The following USH2A variants were observed in gnomAD, a reference collection of about 807,000 sequenced individuals.
The protein encoded by USH2A is Usher syndrome 2A (autosomal recessive, mild).
USH2A carries 443 observed loss-of-function variants against 538.9 expected under a neutral mutation model. The observed-to-expected ratio is 0.82, with a 90% CI of 0.76 to 0.89. The LOEUF (loss-of-function observed/expected upper bound fraction) is 0.89, where lower values mean the gene tolerates loss of function less well. Ranked by LOEUF, USH2A falls within the 40% of genes least tolerant of loss-of-function variation. The pLI is 0.00. For missense variants in USH2A, 6,633 were observed against 6,324.8 expected, an observed-to-expected ratio of 1.05 and a Z score of -1.65; for synonymous variants, 2,413 against 2,273.5, an observed-to-expected ratio of 1.06 and a Z score of -1.75.
chr1:216,374,219 A>G (rs1028329291), intron 3 of USH2A, among the ~76,000 whole-genome samples: 2 of 151,534 alleles, frequency 1.3e-5, no homozygotes, highest in Non-Finnish European at 2.9e-5. Flanking sequence ...AAGCCTGCAC[A>G]TTGTGCACAT....
intron 13 of USH2A, among the ~76,000 whole-genome samples, chr1:216,239,898 T>C (rs2102534727): frequency 6.6e-6 from 1 of 151,648 alleles, no homozygotes; most frequent in African/African-American, 2.4e-5. Flanking sequence ...CAAGGATGTC[T>C]GCAAAGATTT....
chr1:215,771,528 C>G (rs1457019894), intron 55 of USH2A, among the ~76,000 whole-genome samples: 1 of 121,714 alleles, frequency 8.2e-6, no homozygotes, highest in Non-Finnish European at 1.6e-5. Context: ...TGCAGTGAGC[C>G]GAGATCCCGC....
At chr1:215,691,165 AGCCACCGT>A (rs1184475974) in intron 61 of USH2A, among the ~76,000 whole-genome samples, 1 of 152,062 alleles carries the variant, frequency 6.6e-6, no homozygotes, top group Non-Finnish European at 1.5e-5. Context: ...TACAGGTGTG[AGCCACCGT>A]GCCCAGCCAG....
intron 14 of USH2A, among the ~76,000 whole-genome samples, chr1:216,219,335 C>T (rs552478468): frequency 2.6e-5 from 4 of 152,124 alleles, no homozygotes; most frequent in Admixed American, 6.6e-5. Context: ...AGTTCACAAG[C>T]GAAGACTTTT....
intron 3 of USH2A, among the ~76,000 whole-genome samples, chr1:216,376,345 A>T (rs990225213): frequency 6.6e-6 from 1 of 152,196 alleles, no homozygotes; most frequent in Non-Finnish European, 1.5e-5. Flanking sequence ...CAACTCTTGA[A>T]GGATTAATAT....
chr1:216,078,252 G>C lies in USH2A; in HGVS notation c.5409C>G (p.Val1803=), dbSNP rs140326085. ...TGAAAGAGCCTTCCTTTTTAATAAT[G>C]ACTTTATTCCACTTTCCATTACAAT... ...LSYCNGKWNK[V]IIKKEGSFIS... Residue 1803 remains valine, a synonymous_variant, in exon 27 of 72, where the codon GTC becomes GTG. Transcript: ENST00000307340. 1.3e-3 allele frequency: 2,035 copies of C among 1,613,722 alleles called. 1 individual carries two copies. The highest frequency in any genetic ancestry group is 1.6e-3 in the Non-Finnish European group (1,875 of 1,179,766).
At chr1:215,934,201 A>G (rs571056814) in intron 38 of USH2A, among the ~76,000 whole-genome samples, 1 of 152,120 alleles carries the variant, frequency 6.6e-6, no homozygotes, top group East Asian at 1.9e-4. Flanking sequence ...ATACAATTGA[A>G]CTAGTTATTT....
rs560620884 is a variant in USH2A, at chr1:215,828,803, T to C, written c.9371+9188A>G. On this transcript the variant is annotated intron_variant, in intron 47 of 71. Transcript: ENST00000307340. Reference sequence around the variant, plus strand: ...ATGCATTTTGGAATACTAACAGTAATGTAATAAAACATCTTTCTTGTTTGT... The same window carrying C: ...ATGCATTTTGGAATACTAACAGTAACGTAATAAAACATCTTTCTTGTTTGT... Among the ~76,000 whole-genome samples the C allele has an allele frequency of 2.6e-4, 39 of 152,318 alleles. 1 individual carries two copies. Among genetic ancestry groups the C allele is most frequent in the African/African-American group, 8.4e-4 (35 of 41,562 alleles).
intron 4 of USH2A, among the ~76,000 whole-genome samples, chr1:216,353,882 A>C (rs2038332541): frequency 6.6e-6 from 1 of 152,204 alleles, no homozygotes; most frequent in Non-Finnish European, 1.5e-5. Flanking sequence ...ATTAAATTCT[A>C]GAAAGTAATA....
intron 4 of USH2A, among the ~76,000 whole-genome samples, chr1:216,346,293 C>A (rs1357210802): frequency 6.6e-6 from 1 of 151,840 alleles, no homozygotes; most frequent in East Asian, 2.0e-4. Flanking sequence ...GCCTGGGACT[C>A]CTTGGGAAAA....
intron 21 of USH2A, among the ~76,000 whole-genome samples, chr1:216,163,063 C>T (rs779111479): frequency 7.2e-5 from 11 of 151,904 alleles, no homozygotes; most frequent in Non-Finnish European, 1.3e-4. Flanking sequence ...GTGTGTGCAA[C>T]TCAGTTCATT....
intron 60 of USH2A, among the ~76,000 whole-genome samples, chr1:215,740,199 C>T (rs1351557148): frequency 2.0e-5 from 3 of 152,136 alleles, no homozygotes; most frequent in Non-Finnish European, 2.9e-5. Flanking sequence ...ATCTCTCCCT[C>T]ATTCTCTTCC....
chr1:216,259,304 G>GA (rs58727610), intron 11 of USH2A, among the ~76,000 whole-genome samples: 1 of 151,954 alleles, frequency 6.6e-6, no homozygotes, highest in Non-Finnish European at 1.5e-5. Flanking sequence ...CAAAGGAAGG[G>GA]AAAAAAAGAT....
At chr1:216,369,936 A>T (rs2038672775) in intron 3 of USH2A, among the ~76,000 whole-genome samples, 1 of 150,276 alleles carries the variant, frequency 6.7e-6, no homozygotes, top group Non-Finnish European at 1.5e-5. Context: ...AAAAAAAAAA[A>T]AAAAAGTATG....
intron 22 of USH2A, 119 bp from the exon 23 acceptor site, chr1:216,089,258 A>G: frequency 9.1e-7 from 1 of 1,104,516 alleles, no homozygotes; most frequent in South Asian, 1.3e-5. Context: ...ACAAGCATGC[A>G]TACATTTCAA....
chr1:216,247,118 C>A lies in USH2A; in HGVS notation c.2276G>T (p.Cys759Phe), dbSNP rs80338902. The A allele has an allele frequency of 1.5e-3, 2,357 of 1,614,038 alleles. 5 individuals carry two copies. Among genetic ancestry groups the A allele is most frequent in the Admixed American group, 2.1e-3 (127 of 59,996 alleles). The change falls in exon 13 of 72, where the codon TGC (cysteine) becomes TTC (phenylalanine). Residue 759 changes from cysteine to phenylalanine, a missense_variant. Coordinates refer to ENST00000307340, the MANE Select transcript of USH2A (RefSeq NM_206933.4). Reference protein sequence around the residue: ...CNLHGSVNKFCNPHSGQCECK... With the variant: ...CNLHGSVNKFFNPHSGQCECK... ...CTCACACTGCCCAGAGTGAGGATTGCAGAATTTGTTCACTGAGCCATGGAG... is the reference window on the plus strand; with the variant it reads ...CTCACACTGCCCAGAGTGAGGATTGAAGAATTTGTTCACTGAGCCATGGAG...
At position 215,900,910 on chromosome 1, in the gene USH2A, C is replaced by T. The variant is rs1181117335; in HGVS notation, c.7301-5G>A. ...GAGGCAGCACGCCATCTGGAGCTGT[C>T]GAAAAACACAGATGAATTAGAGCAG... On this transcript the variant is annotated splice_region_variant and splice_polypyrimidine_tract_variant and intron_variant, in intron 38 of 71. Transcript: ENST00000307340. 15 of 1,613,060 alleles carry T rather than the reference C, an allele frequency of 9.3e-6. No individual in the cohort carries two copies. The highest frequency in any genetic ancestry group is 4.5e-5 in the East Asian group (2 of 44,848).
At chr1:215,822,498 T>A (rs540601145) in intron 47 of USH2A, among the ~76,000 whole-genome samples, 1 of 152,128 alleles carries the variant, frequency 6.6e-6, no homozygotes, top group Admixed American at 6.6e-5. Context: ...CTAAATTTGT[T>A]CATCAGTTCT....
At chr1:216,243,002 A>G (rs1558339168) in intron 13 of USH2A, among the ~76,000 whole-genome samples, 1 of 152,194 alleles carries the variant, frequency 6.6e-6, no homozygotes, top group Admixed American at 6.5e-5. Context: ...AGTAAGAGAA[A>G]TGTTTATCTA....
Sources: allele counts gnomAD v4.1 joint callset (sites outside exome capture counted in the v4.1 genomes callset), GRCh38; gene constraint gnomAD v4.1.1; transcripts MANE v1.5; gene names NCBI Gene and HGNC (gene_info 2026-07-23, HGNC 2026-07-21).